Variants in NRG3 observed in about 807,000 individuals in gnomAD.
NRG3 encodes pro-neuregulin-3, membrane-bound isoform.
Under a neutral mutation model 66.9 loss-of-function variants are expected in NRG3, and 31 were observed. That is an observed-to-expected ratio of 0.46 (90% CI 0.35 to 0.63). The LOEUF (loss-of-function observed/expected upper bound fraction) is 0.63, where lower values mean the gene tolerates loss of function less well. Among genes scored for constraint, NRG3 ranks in the 20% least tolerant of loss-of-function variants. The probability of loss-of-function intolerance (pLI) is 0.00; values close to 1 mark genes in which losing one functional copy is unlikely to be tolerated. For synonymous variants in NRG3, 393 were observed against 359.4 expected (o/e 1.09, Z -1.06); for missense variants, 910 against 878.9 (o/e 1.04, Z -0.45).
intron 8 of NRG3, among the ~76,000 whole-genome samples, chr10:82,982,561 G>A (rs141301911): frequency 2.6e-5 from 4 of 152,138 alleles, no homozygotes; most frequent in African/African-American, 9.6e-5. Flanking sequence ...CATCATGTCT[G>A]GGGGGAAGTG....
chr10:82,041,517 C>T (rs1441785261), intron 1 of NRG3, among the ~76,000 whole-genome samples: 1 of 152,062 alleles, frequency 6.6e-6, no homozygotes, highest in East Asian at 2.0e-4. Flanking sequence ...CTGCCCAAAG[C>T]CACCTTTGGG....
At chr10:82,810,126 T>C (rs1030458889) in intron 3 of NRG3, among the ~76,000 whole-genome samples, 11 of 152,200 alleles carry the variant, frequency 7.2e-5, no homozygotes, top group Admixed American at 5.9e-4. Context: ...GCTTGCCCTA[T>C]GATTTTGACA....
At chr10:82,253,802 G>T (rs1414771) in intron 1 of NRG3, among the ~76,000 whole-genome samples, 4 of 152,064 alleles carry the variant, frequency 2.6e-5, no homozygotes, top group Admixed American at 6.6e-5. Context: ...ACAAGTATTG[G>T]TTCATCTGGC....
intron 1 of NRG3, among the ~76,000 whole-genome samples, chr10:82,085,236 G>A (rs192969676): frequency 1.3e-5 from 2 of 152,070 alleles, no homozygotes; most frequent in African/African-American, 2.4e-5. Flanking sequence ...TTACCAGGAC[G>A]CATCATCTGT....
rs147688940 is a variant in NRG3 at position 82,370,743 on chromosome 10, G to A, written c.953+11875G>A. Among the ~76,000 whole-genome samples, 1,338 of 152,072 alleles carry A rather than the reference G, an allele frequency of 8.8e-3. 11 individuals are homozygous for A. The highest frequency in any genetic ancestry group is 0.011 in the Non-Finnish European group (715 of 67,988). On this transcript the variant is annotated intron_variant, in intron 2 of 8. Transcript: ENST00000372141. ...TTTATTTCGTTACCTATGTACCTAC[G>A]TATTACTTGAGAAAACTAAAAAATT...
chr10:82,566,372 G>A (rs561035493), intron 2 of NRG3, among the ~76,000 whole-genome samples: 122 of 151,886 alleles, frequency 8.0e-4, no homozygotes, highest in Non-Finnish European at 1.4e-3. Context: ...AAAATGCTTC[G>A]TTATAATACA....
chr10:82,863,715 A>G (rs1056555119), intron 3 of NRG3, among the ~76,000 whole-genome samples: 12 of 151,962 alleles, frequency 7.9e-5, no homozygotes, highest in African/African-American at 2.9e-4. Context: ...TACAAACTTT[A>G]TTCTTTGTAT....
intron 1 of NRG3, among the ~76,000 whole-genome samples, chr10:82,235,160 AGTT>A (rs1381468752): frequency 6.6e-6 from 1 of 152,256 alleles, no homozygotes. Flanking sequence ...CCAGCCTGCC[AGTT>A]GTTTTTGTAA....
At chr10:82,934,846 A>G (rs750937169) in intron 4 of NRG3, among the ~76,000 whole-genome samples, 2 of 152,218 alleles carry the variant, frequency 1.3e-5, no homozygotes, top group Non-Finnish European at 2.9e-5. Context: ...TAGCACTTAC[A>G]AACTTTTCAG....
chr10:82,706,203 G>A (rs961635430), intron 2 of NRG3, among the ~76,000 whole-genome samples: 2 of 152,070 alleles, frequency 1.3e-5, no homozygotes, highest in Non-Finnish European at 2.9e-5. Context: ...CATTAGAGTG[G>A]CAATGCTAAA....
intron 1 of NRG3, among the ~76,000 whole-genome samples, chr10:82,029,297 TGAA>T (rs1321643862): frequency 1.3e-5 from 2 of 152,142 alleles, no homozygotes; most frequent in African/African-American, 4.8e-5. Flanking sequence ...AACTTTTCTC[TGAA>T]GAAGTATTCC....
At chr10:82,961,300 T>A (rs1448566480) in intron 6 of NRG3, among the ~76,000 whole-genome samples, 9 of 152,194 alleles carry the variant, frequency 5.9e-5, no homozygotes. Flanking sequence ...AAAATTAATA[T>A]TGTTAAATGA....
At chr10:82,549,016 T>C (rs1378923423) in intron 2 of NRG3, among the ~76,000 whole-genome samples, 3 of 152,086 alleles carry the variant, frequency 2.0e-5, no homozygotes, top group Non-Finnish European at 2.9e-5. Flanking sequence ...GTCAACAACA[T>C]GGAACAGTGG....
At chr10:82,504,161 C>T (rs670482) in intron 2 of NRG3, among the ~76,000 whole-genome samples, 65,896 of 151,980 alleles carry the variant, frequency 0.43, 18,223 homozygotes, top group African/African-American at 0.78. Context: ...GCAGAAGGGA[C>T]GGGTTTCTAT....
intron 1 of NRG3, among the ~76,000 whole-genome samples, chr10:82,178,379 C>G (rs551240961): frequency 6.6e-6 from 1 of 152,064 alleles, no homozygotes; most frequent in Non-Finnish European, 1.5e-5. Flanking sequence ...AGCAACTGCT[C>G]GGTTAGCCCT....
chr10:82,546,993 A>G (rs1312528570), intron 2 of NRG3, among the ~76,000 whole-genome samples: 2 of 152,186 alleles, frequency 1.3e-5, no homozygotes, highest in Admixed American at 6.5e-5. Flanking sequence ...CAACATGATG[A>G]TGATAGAGTT....
intron 1 of NRG3, among the ~76,000 whole-genome samples, chr10:82,048,026 A>T (rs2063395042): frequency 6.6e-6 from 1 of 150,878 alleles, no homozygotes; most frequent in Non-Finnish European, 1.5e-5. Flanking sequence ...TGGTAAAGGG[A>T]TCAATTAAAC....
chr10:82,692,213 A>G (rs1409373221), intron 2 of NRG3, among the ~76,000 whole-genome samples: 2 of 150,132 alleles, frequency 1.3e-5, no homozygotes, highest in Non-Finnish European at 3.0e-5. Context: ...AGATTGCATC[A>G]CTCACTCCAG....
intron 1 of NRG3, among the ~76,000 whole-genome samples, chr10:82,257,444 G>A (rs1426260978): frequency 6.6e-6 from 1 of 151,964 alleles, no homozygotes; most frequent in Admixed American, 6.6e-5. Flanking sequence ...GGAGTGATTA[G>A]CAAACATTTA....
Sources: gnomAD v4.1 joint callset for allele counts (sites outside exome capture counted in the v4.1 genomes callset) on GRCh38, gnomAD v4.1.1 for gene constraint, MANE v1.5 for transcripts, NCBI Gene and HGNC (gene_info 2026-07-23, HGNC 2026-07-21) for gene names.